The following SCAF4 variants were observed in gnomAD, a reference collection of about 807,000 sequenced individuals.
The protein encoded by SCAF4 is SR-related CTD associated factor 4.
Under a neutral mutation model 129.8 loss-of-function variants are expected in SCAF4, and 25 were observed. The ratio of observed to expected loss-of-function variants is 0.19; its 90% CI spans 0.14 to 0.27. The LOEUF is 0.27. Among genes scored for constraint, SCAF4 ranks in the 10% least tolerant of loss-of-function variants. The pLI is 1.00. For synonymous variants in SCAF4, 551 were observed against 497.7 expected, an observed-to-expected ratio of 1.11 and a Z score of -1.43; for missense variants, 1,246 against 1,457.1, an observed-to-expected ratio of 0.86 and a Z score of 2.36.
chr21:31,692,869 T>C (rs2050292676), intron 12 of SCAF4, among the ~76,000 whole-genome samples: 1 of 152,206 alleles, frequency 6.6e-6, no homozygotes, highest in African/African-American at 2.4e-5. Context: ...TGATGGTTTT[T>C]CTTTTATGTT....
intron 19 of SCAF4, chr21:31,684,808 G>A: frequency 9.7e-6 from 5 of 514,172 alleles, no homozygotes; most frequent in Non-Finnish European, 1.7e-5. Context: ...ATTCAAGACA[G>A]ACAAACATGA....
chr21:31,723,308 C>T (rs964601653), intron 1 of SCAF4, among the ~76,000 whole-genome samples: 1 of 151,946 alleles, frequency 6.6e-6, no homozygotes, highest in Admixed American at 6.6e-5. Context: ...AAAAATTGGC[C>T]GGGCCCGGTG....
intron 12 of SCAF4, 84 bp downstream of exon 12, chr21:31,693,210 T>C (rs2050301021): frequency 3.1e-6 from 3 of 972,490 alleles, no homozygotes; most frequent in African/African-American, 1.7e-5. Flanking sequence ...ATTTCTTTTA[T>C]AGTTTTGCTA....
chr21:31,699,788 A>C (rs890956819), intron 7 of SCAF4, among the ~76,000 whole-genome samples: 2 of 152,238 alleles, frequency 1.3e-5, no homozygotes, highest in African/African-American at 4.8e-5. Context: ...ATGATGTTTT[A>C]TAAAGCCATA....
intron 13 of SCAF4, 97 bp downstream of exon 13, chr21:31,692,252 C>T (rs2050276213): frequency 3.4e-6 from 3 of 876,020 alleles, no homozygotes; most frequent in South Asian, 2.8e-5. Context: ...ATCTATAAAC[C>T]TGGGCAAATT....
Position 31,705,600 on chromosome 21 carries a change from T to A in SCAF4, c.115-133A>T, listed in dbSNP as rs530749194. 1.7e-5 allele frequency: 6 copies of A among 344,282 alleles called. No individual in the cohort carries two copies. The East Asian group carries it at 2.1e-4, about 12-fold the overall frequency. The allele number at this position is 344,282 out of a possible 1,614,324, so 21.3% of individuals were successfully genotyped here. ...TACTGAATGAACCATGAGAAATACA[T>A]AATAAAAAATTTAATATTAAAAAAC... On this transcript the variant is annotated intron_variant, in intron 2 of 19. Coordinates refer to ENST00000286835, the MANE Select transcript of SCAF4 (RefSeq NM_020706.2).
At chr21:31,704,236 T>G (rs1645850307) in intron 3 of SCAF4, among the ~76,000 whole-genome samples, 7 of 152,144 alleles carry the variant, frequency 4.6e-5, no homozygotes. Context: ...ATAAATTCAC[T>G]TATTATGATA....
chr21:31,672,214 G>A lies in SCAF4; in HGVS notation c.2629C>T (p.Pro877Ser). The A allele has an allele frequency of 1.2e-6, 2 of 1,609,416 alleles. No homozygotes were observed. The highest frequency in any genetic ancestry group is 1.7e-6 in the Non-Finnish European group (2 of 1,177,560). The change falls in exon 20 of 20, where the codon CCG (proline) becomes TCG (serine). Residue 877 changes from proline to serine, a missense_variant. Coordinates refer to ENST00000286835, the MANE Select transcript of SCAF4 (RefSeq NM_020706.2). The part of the protein sequence containing the change: ...PPHLQRFPLM[P>S]PRPMPPHMMH... ...ATGTGCGGTGGCATGGGACGGGGCG[G>A]CATCAAAGGGAACCGCTGTAAGTGA...
intron 16 of SCAF4, among the ~76,000 whole-genome samples, chr21:31,687,219 C>T (rs945663563): frequency 6.6e-6 from 1 of 152,184 alleles, no homozygotes; most frequent in Non-Finnish European, 1.5e-5. Context: ...CAGTAGATCA[C>T]ACATAGAACT....
At chr21:31,700,184 A>T (rs939379653) in intron 7 of SCAF4, among the ~76,000 whole-genome samples, 3 of 149,366 alleles carry the variant, frequency 2.0e-5, no homozygotes, top group Middle Eastern at 3.6e-3. Context: ...ACACACACTC[A>T]CACACACACA....
At chr21:31,718,806 A>C (rs1034714175) in intron 1 of SCAF4, among the ~76,000 whole-genome samples, 10 of 152,256 alleles carry the variant, frequency 6.6e-5, no homozygotes, top group African/African-American at 2.4e-4. Flanking sequence ...TTTCATACTT[A>C]CTTCTTCCTA....
chr21:31,681,671 G>A (rs1033623251), intron 19 of SCAF4, among the ~76,000 whole-genome samples: 6 of 151,978 alleles, frequency 3.9e-5, no homozygotes, highest in Admixed American at 2.0e-4. Context: ...TAATTATTGC[G>A]CATCAAGTAA....
chr21:31,685,530 G>A (rs759346430), intron 17 of SCAF4, 38 bp downstream of exon 17: 9 of 1,613,408 alleles, frequency 5.6e-6, no homozygotes, highest in East Asian at 2.2e-5. Context: ...TCACTCCATC[G>A]CAGGCTCTAA....
At chr21:31,694,057 T>C (rs1459506491) in intron 11 of SCAF4, 147 bp downstream of exon 11, 3 of 459,978 alleles carry the variant, frequency 6.5e-6, no homozygotes, top group Non-Finnish European at 1.2e-5. Context: ...ATACTTCACC[T>C]GCCCCCTTCT....
Position 31,699,672 on chromosome 21 carries a change from T to C in SCAF4, c.777+1323A>G, listed in dbSNP as rs1010605643. 3.9e-5 allele frequency among the ~76,000 whole-genome samples: 6 copies of C among 152,316 alleles called. 1 individual carries two copies. The Middle Eastern group carries it at 0.01, about 261-fold the overall frequency. On this transcript the variant is annotated intron_variant, in intron 7 of 19. Coordinates refer to ENST00000286835, the MANE Select transcript of SCAF4 (RefSeq NM_020706.2). ...CAATAAAGTCCTTCTGTTTTTATAG[T>C]TAGGATGTTGGAAAGAATCAGATAT...
intron 1 of SCAF4, among the ~76,000 whole-genome samples, chr21:31,723,609 G>GT (rs112184778): frequency 1.4e-5 from 2 of 146,038 alleles, no homozygotes; most frequent in African/African-American, 5.0e-5. Flanking sequence ...TGATTTATAT[G>GT]ATGTGTGTGT....
At chr21:31,681,789 A>C (rs1212266952) in intron 19 of SCAF4, among the ~76,000 whole-genome samples, 1 of 152,194 alleles carries the variant, frequency 6.6e-6, no homozygotes, top group East Asian at 1.9e-4. Context: ...CTCCCAAACT[A>C]ACACCCGCAC....
chr21:31,709,555 G>A (rs1276017604), intron 1 of SCAF4, among the ~76,000 whole-genome samples: 1 of 152,112 alleles, frequency 6.6e-6, no homozygotes, highest in Admixed American at 6.6e-5. Flanking sequence ...AGACAGACTA[G>A]TGTAGCTTTT....
rs2050813033 is a variant in SCAF4, at chr21:31,712,166, A to T, written c.31-5809T>A. ...TCATCCAAATATTTCCAGGTAAGACATGGGCCCTCTACTGTTGCCAGTTCT... is the reference window on the plus strand; with the variant it reads ...TCATCCAAATATTTCCAGGTAAGACTTGGGCCCTCTACTGTTGCCAGTTCT... On this transcript the variant is annotated intron_variant, in intron 1 of 19. Coordinates refer to ENST00000286835, the MANE Select transcript of SCAF4 (RefSeq NM_020706.2). Among the ~76,000 whole-genome samples, 3 of 151,130 alleles carry T rather than the reference A, an allele frequency of 2.0e-5. No individual in the cohort carries two copies. In the South Asian group the frequency reaches 6.3e-4, roughly 31 times the overall value.
Sources: allele counts gnomAD v4.1 joint callset (sites outside exome capture counted in the v4.1 genomes callset), GRCh38; gene constraint gnomAD v4.1.1; transcripts MANE v1.5; gene names NCBI Gene and HGNC (gene_info 2026-07-23, HGNC 2026-07-21).